EML1: variants seen among roughly 807,000 people sequenced by gnomAD.
The protein encoded by EML1 is EMAP like 1.
A neutral mutation model predicts 110.4 loss-of-function variants in EML1; 27 were observed. The ratio of observed to expected loss-of-function variants is 0.24; its 90% CI spans 0.18 to 0.34. EML1 has a LOEUF of 0.34. Ranked by LOEUF, EML1 falls within the 10% of genes least tolerant of loss-of-function variation. The probability of loss-of-function intolerance (pLI) is 1.00; values close to 1 mark genes in which losing one functional copy is unlikely to be tolerated. For synonymous variants in EML1, 344 were observed against 385.8 expected (o/e 0.89, Z 1.27); for missense variants, 741 against 1,030.9 (o/e 0.72, Z 3.85).
intron 17 of EML1, among the ~76,000 whole-genome samples, chr14:99,928,081 TGA>T: frequency 7.2e-6 from 1 of 139,398 alleles, no homozygotes; most frequent in South Asian, 2.2e-4. Context: ...GTGGTGGTGG[TGA>T]TGGTGATGGT....
At chr14:99,887,310 C>T (rs1022644958) in intron 4 of EML1, among the ~76,000 whole-genome samples, 1 of 152,198 alleles carries the variant, frequency 6.6e-6, no homozygotes, top group Non-Finnish European at 1.5e-5. Context: ...TGCTGGAGTT[C>T]GTCTTGGAGA....
At chr14:99,773,590 C>G (rs1398619148) in exon 1 of EML1, 1 of 152,288 alleles carries the variant, frequency 6.6e-6, no homozygotes, top group African/African-American at 2.4e-5. Context: ...CGGATCCCCT[C>G]TCTGCTCTGC....
chr14:99,895,619 G>A (rs1383723372), intron 6 of EML1, among the ~76,000 whole-genome samples: 1 of 152,086 alleles, frequency 6.6e-6, no homozygotes, highest in Non-Finnish European at 1.5e-5. Flanking sequence ...ACCAAGTATG[G>A]ACTTGGCCAG....
upstream of EML1, among the ~76,000 whole-genome samples, chr14:99,769,106 A>G (rs532623845): frequency 6.6e-5 from 10 of 152,196 alleles, no homozygotes; most frequent in African/African-American, 2.4e-4. Context: ...GTTTGAGGTT[A>G]CCAAGAACTA....
At chr14:99,837,082 G>A (rs1465790444) in intron 1 of EML1, among the ~76,000 whole-genome samples, 1 of 151,714 alleles carries the variant, frequency 6.6e-6, no homozygotes, top group Non-Finnish European at 1.5e-5. Flanking sequence ...AGACTTGAGG[G>A]CAGGGTGTGG....
intron 1 of EML1, among the ~76,000 whole-genome samples, chr14:99,846,050 A>C (rs1378147737): frequency 1.5e-5 from 2 of 137,728 alleles, no homozygotes; most frequent in Admixed American, 1.5e-4. Flanking sequence ...ACTCTGTCTC[A>C]AAAAAAAAAA....
At chr14:99,769,960 C>G (rs1040903921), upstream of EML1, among the ~76,000 whole-genome samples, 1 of 152,206 alleles carries the variant, frequency 6.6e-6, no homozygotes, top group Non-Finnish European at 1.5e-5. Context: ...CCTGCAAGTT[C>G]CAGCCACCTG....
chr14:99,885,840 T>C (rs1183150676), intron 4 of EML1: 2 of 454,090 alleles, frequency 4.4e-6, no homozygotes, highest in Admixed American at 4.8e-5. Context: ...GCCAATAACC[T>C]GTTCCTCACA....
At chr14:99,878,075 C>T (rs573023350) in intron 3 of EML1, among the ~76,000 whole-genome samples, 5 of 152,020 alleles carry the variant, frequency 3.3e-5, no homozygotes, top group East Asian at 1.9e-4. Flanking sequence ...TTTAATTCGT[C>T]GGCTATCGTT....
At chr14:99,771,424 G>A (rs145375389), upstream of EML1, among the ~76,000 whole-genome samples, 6 of 152,296 alleles carry the variant, frequency 3.9e-5, no homozygotes, top group Admixed American at 2.0e-4. Flanking sequence ...TTTTATGACC[G>A]AGTAACAGTT....
intron 1 of EML1, among the ~76,000 whole-genome samples, chr14:99,754,496 G>T (rs1189272140): frequency 6.6e-6 from 1 of 152,230 alleles, no homozygotes; most frequent in African/African-American, 2.4e-5. Context: ...GGGAGGAGTA[G>T]GTTACAGACG....
At chr14:99,861,848 C>T (rs1228551516) in intron 2 of EML1, among the ~76,000 whole-genome samples, 1 of 152,198 alleles carries the variant, frequency 6.6e-6, no homozygotes, top group Non-Finnish European at 1.5e-5. Flanking sequence ...AAGTTGTAAG[C>T]ACAGAAGGTT....
At chr14:99,800,384 G>A (rs1439202465) in intron 1 of EML1, among the ~76,000 whole-genome samples, 1 of 151,654 alleles carries the variant, frequency 6.6e-6, no homozygotes, top group Non-Finnish European at 1.5e-5. Flanking sequence ...TTTATTTAGA[G>A]TCAGGGTCTC....
intron 2 of EML1, among the ~76,000 whole-genome samples, chr14:99,863,987 C>A (rs1484930550): frequency 2.0e-5 from 3 of 152,218 alleles, no homozygotes; most frequent in African/African-American, 4.8e-5. Flanking sequence ...GGCATCCCGG[C>A]CATCAATTGG....
chr14:99,841,934 A>C (rs1595367738), intron 1 of EML1, among the ~76,000 whole-genome samples: 1 of 152,222 alleles, frequency 6.6e-6, no homozygotes, highest in African/African-American at 2.4e-5. Flanking sequence ...AGTTCACACA[A>C]AAGTTTTAGA....
Position 99,913,917 on chromosome 14 carries a change from T to G in EML1, c.1495-262T>G, listed in dbSNP as rs532224316. The stretch of plus-strand genomic sequence containing the variant: ...GTTGCCCAGGCTGGTCTCCAACTCC[T>G]GACCTCAGGTGATCCACCTGCTTCA... On this transcript the variant is annotated intron_variant, in intron 13 of 21. Transcript: ENST00000262233. 7.9e-5 allele frequency among the ~76,000 whole-genome samples: 12 copies of G among 152,294 alleles called. No individual in the cohort carries two copies. The South Asian group carries it at 1.9e-3, about 24-fold the overall frequency.
At chr14:99,797,436 A>G (rs757915155) in intron 1 of EML1, among the ~76,000 whole-genome samples, 2 of 152,150 alleles carry the variant, frequency 1.3e-5, no homozygotes, top group Non-Finnish European at 2.9e-5. Flanking sequence ...GTGTGGACCT[A>G]TGTTTTCATT....
chr14:99,917,865 C>T lies in EML1; in HGVS notation c.1820+16C>T, dbSNP rs146865514. ...TCACTGGGAGGTAAGTCCATGCCAA[C>T]AGCGCTTGTGCTTGCAAAGCTTATG... On this transcript the variant is annotated intron_variant, in intron 16 of 21. Transcript: ENST00000262233. The T allele has an allele frequency of 1.3e-3, 2,126 of 1,613,874 alleles. 24 individuals carry two copies. The African/African-American group carries it at 0.025, about 19-fold the overall frequency.
At chr14:99,816,573 G>A (rs138265729) in intron 1 of EML1, among the ~76,000 whole-genome samples, 204 of 152,360 alleles carry the variant, frequency 1.3e-3, no homozygotes, top group African/African-American at 4.5e-3. Flanking sequence ...CACTCAGCTC[G>A]CCTGGTGACA....
Sources: gnomAD v4.1 joint callset for allele counts (sites outside exome capture counted in the v4.1 genomes callset) on GRCh38, gnomAD v4.1.1 for gene constraint, MANE v1.5 for transcripts, NCBI Gene and HGNC (gene_info 2026-07-23, HGNC 2026-07-21) for gene names.